Variants in MYOM2 observed in about 807,000 individuals in gnomAD.
MYOM2 encodes the protein myomesin-2.
Under a neutral mutation model 187.6 loss-of-function variants are expected in MYOM2, and 254 were observed. The observed-to-expected ratio is 1.35, with a 90% CI of 1.22 to 1.50. MYOM2 has a LOEUF of 1.50. Ranked by LOEUF, MYOM2 falls within the 40% of genes most tolerant of loss-of-function variation. The probability of loss-of-function intolerance (pLI) is 0.00; values close to 1 mark genes in which losing one functional copy is unlikely to be tolerated. For synonymous variants in MYOM2, 981 were observed against 753.8 expected, an observed-to-expected ratio of 1.30 and a Z score of -4.94; for missense variants, 2,796 against 1,924.0, an observed-to-expected ratio of 1.45 and a Z score of -8.48.
intron 8 of MYOM2, among the ~76,000 whole-genome samples, chr8:2,072,045 C>T (rs1480509198): frequency 6.6e-6 from 1 of 152,326 alleles, no homozygotes; most frequent in South Asian, 2.1e-4. Context: ...GGAGCACGGA[C>T]CTGGCTACGG....
chr8:2,081,557 C>G (rs1408243861), intron 13 of MYOM2, among the ~76,000 whole-genome samples: 2 of 152,214 alleles, frequency 1.3e-5, no homozygotes, highest in African/African-American at 4.8e-5. Flanking sequence ...AAAAATGACC[C>G]ACGGTGAGAA....
intron 32 of MYOM2, among the ~76,000 whole-genome samples, chr8:2,129,703 C>G (rs556902973): frequency 1.3e-5 from 2 of 152,314 alleles, no homozygotes; most frequent in South Asian, 4.2e-4. Context: ...TTCTGTATTT[C>G]ATGCTTCTCT....
chr8:2,128,811 A>T (rs989670690), intron 31 of MYOM2, among the ~76,000 whole-genome samples: 1 of 152,170 alleles, frequency 6.6e-6, no homozygotes, highest in Non-Finnish European at 1.5e-5. Context: ...TTTGCCATGC[A>T]CTGTTGTTAT....
rs78720502 is a variant in MYOM2 at position 2,085,446 on chromosome 8, C to T, written c.1644+56C>T. The T allele has an allele frequency of 4.1e-3, 6,389 of 1,567,032 alleles. 138 individuals carry two copies. Among genetic ancestry groups the T allele is most frequent in the South Asian group, 0.023 (1,881 of 80,886 alleles). On this transcript the variant is annotated intron_variant, in intron 14 of 36. Coordinates refer to ENST00000262113, the MANE Select transcript of MYOM2 (RefSeq NM_003970.4). ...AGATCTCTGCATGGCCCCCCACTGT[C>T]ATGATCTCTGCGTGGCCCACCGCTG...
At chr8:2,116,182 G>A (rs376118780) in intron 26 of MYOM2, 34 bp from the exon 27 acceptor site, 243 of 1,600,180 alleles carry the variant, frequency 1.5e-4, no homozygotes, top group Admixed American at 2.7e-4. Context: ...AAGCAAACAT[G>A]TTTCATATAT....
At chr8:2,046,220 G>A (rs1015235641) in intron 1 of MYOM2, among the ~76,000 whole-genome samples, 1 of 152,142 alleles carries the variant, frequency 6.6e-6, no homozygotes, top group Non-Finnish European at 1.5e-5. Flanking sequence ...AAACATTTTT[G>A]CAAATTAAAA....
intron 19 of MYOM2, among the ~76,000 whole-genome samples, chr8:2,099,436 C>T (rs1796608770): frequency 6.6e-6 from 1 of 151,712 alleles, no homozygotes; most frequent in African/African-American, 2.4e-5. Flanking sequence ...CTGCAGTCCT[C>T]TCAGGCCATC....
intron 6 of MYOM2, among the ~76,000 whole-genome samples, chr8:2,066,743 C>T (rs1409145466): frequency 1.3e-5 from 2 of 152,152 alleles, no homozygotes; most frequent in Non-Finnish European, 2.9e-5. Context: ...GGTAGATCAG[C>T]ACAGGTTGTT....
At chr8:2,097,934 T>G (rs1364670823) in intron 18 of MYOM2, 1 of 152,082 alleles carries the variant, frequency 6.6e-6, no homozygotes, top group African/African-American at 2.4e-5. Context: ...TGCTGGAACT[T>G]TGTCCCTCTG....
At chr8:2,068,263 C>A (rs1158881850) in intron 6 of MYOM2, among the ~76,000 whole-genome samples, 1 of 151,218 alleles carries the variant, frequency 6.6e-6, no homozygotes, top group South Asian at 2.1e-4. Context: ...CTCTTCAATG[C>A]CTGTGTGCAC....
rs755890476 is a variant in MYOM2 at position 2,069,290 on chromosome 8, C to T, written c.666C>T (p.Asp222=). The T allele has an allele frequency of 2.8e-5, 45 of 1,611,784 alleles. No homozygotes were observed. The highest frequency in any genetic ancestry group is 1.9e-4 in the Middle Eastern group (1 of 5,312). The stretch of plus-strand genomic sequence containing the variant: ...TTTTCTCTCCAAGGGCAGACTTTGA[C>T]GACACTGCGACATACTCAGCAGTGG... ...HTLEINRADF[D]DTATYSAVAT... The change falls in exon 7 of 37, where the codon GAC becomes GAT. Residue 222 remains aspartate (D), a synonymous_variant. Transcript: ENST00000262113.
In MYOM2 at chr8:2,109,509, A is replaced by T; in HGVS notation, c.3158A>T (p.Asp1053Val). ...GCCAGCTACCGATTTATTATTAACG[A>T]CAGAGAAGTCTCTGACAGCGAGGTG... ...PDASYRFIIN[D>V]REVSDSEIHR... Residue 1053 changes from aspartate (D) to valine (V), a missense_variant, in exon 25 of 37, where the codon GAC (aspartate) becomes GTC (valine). Asp to Val is a radical substitution (Grantham distance 152). Transcript: ENST00000262113. 6.2e-7 allele frequency: 1 copy of T among 1,612,242 alleles called. No homozygotes were observed.
At chr8:2,094,434 A>G (rs1796413678) in intron 17 of MYOM2, among the ~76,000 whole-genome samples, 2 of 152,212 alleles carry the variant, frequency 1.3e-5, no homozygotes, top group South Asian at 4.1e-4. Flanking sequence ...TGGCTGGATC[A>G]TGAGGTCAAG....
chr8:2,091,504 C>G (rs760055107), intron 15 of MYOM2, among the ~76,000 whole-genome samples: 1 of 152,204 alleles, frequency 6.6e-6, no homozygotes, highest in Non-Finnish European at 1.5e-5. Context: ...TCCCCAGAAG[C>G]CTTCACGGGA....
At chr8:2,104,898 C>T (rs927721511) in intron 21 of MYOM2, among the ~76,000 whole-genome samples, 11 of 152,150 alleles carry the variant, frequency 7.2e-5, no homozygotes, top group African/African-American at 9.7e-5. Flanking sequence ...CAGAAAGACA[C>T]GAGTCTATCT....
intron 30 of MYOM2, 101 bp from the exon 31 acceptor site, chr8:2,124,078 T>C (rs1235143889): frequency 1.7e-6 from 2 of 1,185,986 alleles, no homozygotes; most frequent in Non-Finnish European, 2.4e-6. Context: ...ATTTTTCAAC[T>C]GAACATCACA....
At chr8:2,138,029 T>C (rs1204171873) in intron 32 of MYOM2, among the ~76,000 whole-genome samples, 2 of 152,206 alleles carry the variant, frequency 1.3e-5, no homozygotes, top group East Asian at 3.9e-4. Context: ...AATCACCATG[T>C]AAAGTCTAAT....
chr8:2,127,068 C>T (rs1177328341), intron 31 of MYOM2, among the ~76,000 whole-genome samples: 1 of 151,800 alleles, frequency 6.6e-6, no homozygotes, highest in Non-Finnish European at 1.5e-5. Flanking sequence ...TGCTCCGACC[C>T]TCCCGTGTTC....
At position 2,073,328 on chromosome 8, in the gene MYOM2, C is replaced by A. The variant is rs375879799; in HGVS notation, c.959-11C>A. 1.9e-6 allele frequency: 3 copies of A among 1,597,392 alleles called. No individual in the cohort carries two copies. In the Admixed American group the frequency reaches 5.2e-5, roughly 28 times the overall value. On this transcript the variant is annotated splice_polypyrimidine_tract_variant and intron_variant, in intron 9 of 36. Coordinates refer to ENST00000262113, the MANE Select transcript of MYOM2 (RefSeq NM_003970.4). ...TTTGGATGCAAACCTTCCGTGTTAA[C>A]GCTCTTTCAGACGTGCTGTTGAAAG...
Sources: allele counts gnomAD v4.1 joint callset (sites outside exome capture counted in the v4.1 genomes callset), GRCh38; gene constraint gnomAD v4.1.1; transcripts MANE v1.5; gene names NCBI Gene and HGNC (gene_info 2026-07-23, HGNC 2026-07-21).